Variants in MRPS27 observed in about 807,000 individuals in gnomAD.
MRPS27 encodes the protein small ribosomal subunit protein mS27.
A neutral mutation model predicts 48.9 loss-of-function variants in MRPS27; 43 were observed. The observed-to-expected ratio is 0.88, with a 90% CI of 0.69 to 1.13. The LOEUF (loss-of-function observed/expected upper bound fraction) is 1.13. MRPS27 is among the 50% of genes most tolerant of loss of function. MRPS27 has a pLI of 0.00. For missense variants in MRPS27, 467 were observed against 476.3 expected (o/e 0.98, Z 0.18); for synonymous variants, 188 against 171.9 (o/e 1.09, Z -0.73).
In MRPS27 at chr5:72,295,536, A is replaced by G; in HGVS notation, c.276T>C (p.Leu92=). ...REEIDHAEYY[L]YKFRHSPNCW... ...AAATCAAATGGAAAACTTACTTGTA[A>G]AGGTAATACTCTGCATGATCTATCT... Residue 92 remains leucine (L), a synonymous_variant, in exon 4 of 11, where the codon CTT becomes CTC. Transcript: ENST00000261413. 1 of 1,608,260 alleles carries G rather than the reference A, an allele frequency of 6.2e-7. No individual in the cohort carries two copies. Among genetic ancestry groups the G allele is most frequent in the Non-Finnish European group, 8.5e-7 (1 of 1,175,166 alleles).
chr5:72,268,288 C>A (rs756466307), intron 4 of MRPS27, among the ~76,000 whole-genome samples: 1 of 152,234 alleles, frequency 6.6e-6, no homozygotes. Context: ...TTCTTACAAT[C>A]TTCTAAAAGT....
chr5:72,266,505 T>C (rs1288984671), intron 4 of MRPS27, among the ~76,000 whole-genome samples: 3 of 152,222 alleles, frequency 2.0e-5, no homozygotes, highest in Admixed American at 1.3e-4. Context: ...GCCCAGTTCC[T>C]AGCTACAGGT....
chr5:72,273,807 CACA>C (rs1199743303), intron 4 of MRPS27, among the ~76,000 whole-genome samples: 5 of 152,140 alleles, frequency 3.3e-5, no homozygotes, highest in African/African-American at 1.2e-4. Flanking sequence ...ACTTTATAAA[CACA>C]ACGTTTAGGC....
chr5:72,315,944 A>T (rs1428598728), intron 1 of MRPS27, among the ~76,000 whole-genome samples: 1 of 152,260 alleles, frequency 6.6e-6, no homozygotes, highest in African/African-American at 2.4e-5. Context: ...CAGTAGTATT[A>T]TTCATAACGG....
intron 4 of MRPS27, among the ~76,000 whole-genome samples, chr5:72,240,864 C>T (rs1471488968): frequency 1.3e-5 from 2 of 152,184 alleles, no homozygotes; most frequent in Non-Finnish European, 2.9e-5. Flanking sequence ...CTTCACACAT[C>T]GAATACAATC....
intron 4 of MRPS27, among the ~76,000 whole-genome samples, chr5:72,272,080 C>A (rs1051325171): frequency 6.7e-6 from 1 of 148,706 alleles, no homozygotes; most frequent in East Asian, 1.9e-4. Context: ...CACTGGGATT[C>A]CCCCCCCATC....
intron 2 of MRPS27, 79 bp downstream of exon 2, chr5:72,314,002 T>C (rs1028619015): frequency 9.7e-7 from 1 of 1,029,988 alleles, no homozygotes. Flanking sequence ...TAATTTCATA[T>C]ATACGTTATA....
At chr5:72,275,546 G>A (rs1219185754) in intron 4 of MRPS27, among the ~76,000 whole-genome samples, 1 of 152,096 alleles carries the variant, frequency 6.6e-6, no homozygotes, top group Non-Finnish European at 1.5e-5. Context: ...AATTCATATG[G>A]AACCCAAAAA....
intron 4 of MRPS27, among the ~76,000 whole-genome samples, chr5:72,276,363 T>G (rs183471065): frequency 6.6e-6 from 1 of 152,274 alleles, no homozygotes; most frequent in African/African-American, 2.4e-5. Context: ...GCTAACCACA[T>G]GCAGAAAATT....
In MRPS27 at chr5:72,228,346, C is replaced by T. The variant is rs752901276; in HGVS notation, c.614G>A (p.Gly205Asp). The change falls in exon 8 of 11, where the codon GGT (glycine) becomes GAT (aspartate). Residue 205 changes from glycine (G) to aspartate (D), a missense_variant. Coordinates refer to ENST00000261413, the MANE Select transcript of MRPS27 (RefSeq NM_015084.3). The stretch of plus-strand genomic sequence containing the variant: ...TAGGCCTGGAAGCAAAAGGGATGCA[C>T]CAAAGTTCCTCTCCTCTTCCCACTG... ...DFSWEEERNF[G>D]ASLLLPGLKQ... is the part of the protein sequence containing the mutation. 1 of 1,613,170 alleles carries T rather than the reference C, an allele frequency of 6.2e-7. No individual in the cohort carries two copies. The highest frequency in any genetic ancestry group is 8.5e-7 in the Non-Finnish European group (1 of 1,179,454).
chr5:72,235,228 G>A (rs943017956), intron 5 of MRPS27, among the ~76,000 whole-genome samples: 2 of 151,986 alleles, frequency 1.3e-5, no homozygotes, highest in African/African-American at 2.4e-5. Flanking sequence ...TTAATCCCTA[G>A]GGCAGGCTAA....
intron 4 of MRPS27, among the ~76,000 whole-genome samples, 189 bp from the exon 5 acceptor site, chr5:72,238,317 C>T (rs939555823): frequency 6.6e-6 from 1 of 150,696 alleles, no homozygotes; most frequent in Non-Finnish European, 1.5e-5. Context: ...AAAGAGAAGG[C>T]AAACTAATAA....
At chr5:72,221,184 T>C (rs371185508) in intron 10 of MRPS27, 36 bp from the exon 11 acceptor site, 142 of 1,604,848 alleles carry the variant, frequency 8.8e-5, no homozygotes, top group Non-Finnish European at 1.2e-4. Context: ...AGAAGAAAGG[T>C]AGAGAAGTGA....
chr5:72,247,213 T>G (rs547778876), intron 4 of MRPS27, among the ~76,000 whole-genome samples: 1 of 152,364 alleles, frequency 6.6e-6, no homozygotes, highest in South Asian at 2.1e-4. Context: ...TTCATTATAC[T>G]GTTTATAAAA....
At chr5:72,301,492 A>T (rs1002501239) in intron 2 of MRPS27, among the ~76,000 whole-genome samples, 1 of 152,230 alleles carries the variant, frequency 6.6e-6, no homozygotes, top group African/African-American at 2.4e-5. Flanking sequence ...TTAACTTAAA[A>T]TAGCAAGATC....
chr5:72,276,031 G>C (rs72761132), intron 4 of MRPS27, among the ~76,000 whole-genome samples: 35,217 of 125,906 alleles, frequency 0.28, 5,250 homozygotes, highest in South Asian at 0.42. Flanking sequence ...GTGTGTGTGT[G>C]GGGGGGGTAC....
Position 72,261,379 on chromosome 5 carries a change from G to A in MRPS27, c.282-23251C>T, listed in dbSNP as rs1478296732. Among the ~76,000 whole-genome samples the A allele has an allele frequency of 7.2e-5, 11 of 152,080 alleles. No homozygotes were observed. In the East Asian group the frequency reaches 2.1e-3, roughly 29 times the overall value. On this transcript the variant is annotated intron_variant, in intron 4 of 10. Transcript: ENST00000261413. ...CAATTCTCTTGCCTCAGCCTCCCGA[G>A]TGGCTGGGATTACAGACGCCACCAC...
intron 4 of MRPS27, among the ~76,000 whole-genome samples, chr5:72,262,092 C>A (rs906378223): frequency 6.6e-6 from 1 of 152,160 alleles, no homozygotes; most frequent in African/African-American, 2.4e-5. Flanking sequence ...CATTCCCTAA[C>A]CTCTATTAGG....
intron 4 of MRPS27, among the ~76,000 whole-genome samples, chr5:72,270,725 C>G (rs998942142): frequency 6.6e-6 from 1 of 152,156 alleles, no homozygotes; most frequent in Admixed American, 6.5e-5. Flanking sequence ...GGAGTCCAGT[C>G]TTACTGACAA....
Sources: gnomAD v4.1 joint callset for allele counts (sites outside exome capture counted in the v4.1 genomes callset) on GRCh38, gnomAD v4.1.1 for gene constraint, MANE v1.5 for transcripts, NCBI Gene and HGNC (gene_info 2026-07-23, HGNC 2026-07-21) for gene names.